The following VWA3B variants were observed in gnomAD, a reference collection of about 807,000 sequenced individuals.
VWA3B encodes von Willebrand factor A domain containing 3B.
In VWA3B, 138 loss-of-function variants were observed where a neutral mutation model predicts 158.3. The observed-to-expected ratio is 0.87, with a 90% CI of 0.76 to 1.00. The LOEUF (loss-of-function observed/expected upper bound fraction) is 1.00. Among genes scored for constraint, VWA3B ranks in the 50% least tolerant of loss-of-function variants. The pLI, the probability that VWA3B is intolerant of heterozygous loss-of-function variation, is 0.00. For synonymous variants in VWA3B, 596 were observed against 587.3 expected, an observed-to-expected ratio of 1.01 and a Z score of -0.21; for missense variants, 1,555 against 1,565.1, an observed-to-expected ratio of 0.99 and a Z score of 0.11.
intron 22 of VWA3B, among the ~76,000 whole-genome samples, chr2:98,272,385 T>C (rs563819744): frequency 1.3e-5 from 2 of 152,364 alleles, no homozygotes; most frequent in South Asian, 2.1e-4. Context: ...AGAGCCTCCT[T>C]TCCCTGAGTG....
intron 12 of VWA3B, among the ~76,000 whole-genome samples, chr2:98,198,569 T>A (rs1682259238): frequency 6.6e-6 from 1 of 151,992 alleles, no homozygotes; most frequent in Non-Finnish European, 1.5e-5. Flanking sequence ...ACACTCTTTT[T>A]GGTGATAGTT....
At position 98,221,889 on chromosome 2, in the gene VWA3B, C is replaced by T. The variant is rs1268053656; in HGVS notation, c.2019+3861C>T. On this transcript the variant is annotated intron_variant, in intron 14 of 27. Coordinates refer to ENST00000477737, the MANE Select transcript of VWA3B (RefSeq NM_144992.5). The stretch of plus-strand genomic sequence containing the variant: ...TGCTTCACCAGAGTCCTCATGTCAG[C>T]AGGACTCAGCACGAAGCTGAGCCTC... 2.6e-5 allele frequency among the ~76,000 whole-genome samples: 4 copies of T among 152,148 alleles called. No homozygotes were observed. The East Asian group carries it at 5.8e-4, about 22-fold the overall frequency.
intron 2 of VWA3B, among the ~76,000 whole-genome samples, chr2:98,114,534 T>G (rs967893298): frequency 1.3e-5 from 2 of 152,214 alleles, no homozygotes; most frequent in African/African-American, 4.8e-5. Flanking sequence ...TTGCTCTTTT[T>G]AGCTCTCCAG....
At chr2:98,265,255 C>T (rs549607704) in intron 21 of VWA3B, among the ~76,000 whole-genome samples, 2 of 148,098 alleles carry the variant, frequency 1.4e-5, no homozygotes, top group Non-Finnish European at 1.5e-5. Flanking sequence ...CATGTGTTCT[C>T]ATTGTTCAAT....
the VWA3B span, among the ~76,000 whole-genome samples, chr2:98,320,077 G>A: frequency 6.6e-6 from 1 of 152,132 alleles, no homozygotes; most frequent in Non-Finnish European, 1.5e-5. Context: ...ATTCCCATGT[G>A]TCATGGGAGG....
intron 22 of VWA3B, among the ~76,000 whole-genome samples, chr2:98,278,052 A>T (rs1160441419): frequency 1.3e-5 from 2 of 151,968 alleles, no homozygotes; most frequent in Non-Finnish European, 2.9e-5. Flanking sequence ...TAAAAACTTT[A>T]GTCTGTTTTG....
the VWA3B span, among the ~76,000 whole-genome samples, chr2:98,323,379 A>T: frequency 6.6e-6 from 1 of 152,208 alleles, no homozygotes; most frequent in Non-Finnish European, 1.5e-5. Context: ...CTCAATCCAA[A>T]AAAACAAATA....
intron 22 of VWA3B, among the ~76,000 whole-genome samples, chr2:98,274,439 G>A (rs1349966847): frequency 6.6e-6 from 1 of 152,158 alleles, no homozygotes; most frequent in Non-Finnish European, 1.5e-5. Context: ...ACCTGACTGG[G>A]CAGTTAGGGA....
chr2:98,264,740 G>A (rs1687693293), intron 21 of VWA3B, among the ~76,000 whole-genome samples: 1 of 152,072 alleles, frequency 6.6e-6, no homozygotes, highest in African/African-American at 2.4e-5. Context: ...GATTGGTGGT[G>A]TTCAAGTCCT....
At chr2:98,281,134 C>T (rs569872325) in intron 22 of VWA3B, among the ~76,000 whole-genome samples, 55 of 152,284 alleles carry the variant, frequency 3.6e-4, no homozygotes, top group Non-Finnish European at 7.2e-4. Flanking sequence ...CTCTCCAGTC[C>T]ATTTTTCAAA....
intron 2 of VWA3B, among the ~76,000 whole-genome samples, chr2:98,110,110 A>T (rs1573786514): frequency 1.6e-4 from 22 of 138,204 alleles, no homozygotes; most frequent in African/African-American, 1.6e-4. Flanking sequence ...TCTTCCCCCT[A>T]CCCTCTTTCT....
In VWA3B at chr2:98,133,466, C is replaced by A. The variant is rs149044608; in HGVS notation, c.873-358C>A. On this transcript the variant is annotated intron_variant, in intron 6 of 27. Transcript: ENST00000477737. Reference sequence around the variant, plus strand: ...GGTGCTACTGGGGCCCCTCATTAGACCCCTGGCTTGGCTAAGCTGTGTTGA... The same window carrying A: ...GGTGCTACTGGGGCCCCTCATTAGAACCCTGGCTTGGCTAAGCTGTGTTGA... 3.4e-3 allele frequency among the ~76,000 whole-genome samples: 517 copies of A among 152,270 alleles called. 2 individuals carry two copies. The highest frequency in any genetic ancestry group is 0.012 in the African/African-American group (493 of 41,536).
At chr2:98,289,329 G>A (rs916452220) in intron 22 of VWA3B, among the ~76,000 whole-genome samples, 1 of 152,196 alleles carries the variant, frequency 6.6e-6, no homozygotes, top group Non-Finnish European at 1.5e-5. Context: ...TACTGGAAAA[G>A]TGCATTTCCA....
intron 26 of VWA3B, among the ~76,000 whole-genome samples, chr2:98,307,318 G>A (rs1574325178): frequency 6.6e-6 from 1 of 152,338 alleles, no homozygotes; most frequent in East Asian, 1.9e-4. Context: ...GCTATGCCCG[G>A]TTTCCATTGG....
intron 21 of VWA3B, among the ~76,000 whole-genome samples, chr2:98,256,696 G>T (rs1465433492): frequency 1.3e-5 from 2 of 152,104 alleles, no homozygotes; most frequent in African/African-American, 2.4e-5. Flanking sequence ...TTTCTCTTGG[G>T]TATATACCTA....
chr2:98,129,347 G>GGAGAAA (rs1675669380), intron 6 of VWA3B, among the ~76,000 whole-genome samples: 1 of 150,044 alleles, frequency 6.7e-6, no homozygotes, highest in Admixed American at 6.6e-5. Context: ...GCAGAGAGAC[G>GGAGAAA]GAGAAAGAGA....
intron 14 of VWA3B, among the ~76,000 whole-genome samples, chr2:98,225,507 G>T (rs1684851274): frequency 6.6e-6 from 1 of 152,126 alleles, no homozygotes. Context: ...AGTAGTGAAA[G>T]GCTGAATGAT....
intron 25 of VWA3B, among the ~76,000 whole-genome samples, chr2:98,302,175 C>A (rs1457660359): frequency 1.4e-5 from 2 of 142,148 alleles, no homozygotes; most frequent in Non-Finnish European, 3.2e-5. Flanking sequence ...AAGTCCCAGG[C>A]TTTTGCCTCT....
At chr2:98,129,224 A>AGAGAGAGT (rs1370543551) in intron 6 of VWA3B, among the ~76,000 whole-genome samples, 2,478 of 124,572 alleles carry the variant, frequency 0.02, 82 homozygotes, top group African/African-American at 0.074. Flanking sequence ...AGAGAGAGAG[A>AGAGAGAGT]GTGTGTGTGT....
Sources: allele counts gnomAD v4.1 joint callset (sites outside exome capture counted in the v4.1 genomes callset), GRCh38; gene constraint gnomAD v4.1.1; transcripts MANE v1.5; gene names NCBI Gene and HGNC (gene_info 2026-07-23, HGNC 2026-07-21).